The following SLC22A25 variants were observed in gnomAD, a reference collection of about 807,000 sequenced individuals.
SLC22A25 encodes the protein MGI:2442751, MGI:2385316, MGI:3042283, MGI:3645714, MGI:3605624, MGI:2442750.
SLC22A25 carries 44 observed loss-of-function variants against 45.9 expected under a neutral mutation model. That is an observed-to-expected ratio of 0.96 (90% confidence interval 0.75 to 1.23). The LOEUF is 1.23. Ranked by LOEUF, SLC22A25 falls within the 50% of genes most tolerant of loss-of-function variation. The probability of loss-of-function intolerance (pLI) is 0.00; values close to 1 mark genes in which losing one functional copy is unlikely to be tolerated. For synonymous variants in SLC22A25, 283 were observed against 238.6 expected, an observed-to-expected ratio of 1.19 and a Z score of -1.72; for missense variants, 800 against 666.4, an observed-to-expected ratio of 1.20 and a Z score of -2.21.
intron 3 of SLC22A25, among the ~76,000 whole-genome samples, chr11:63,232,350 TC>T (rs1423797510): frequency 6.6e-6 from 1 of 152,174 alleles, no homozygotes; most frequent in Non-Finnish European, 1.5e-5. Flanking sequence ...GTCCTTCACA[TC>T]CCTTTTAAGT....
At chr11:63,214,426 G>T (rs2089658228) in intron 7 of SLC22A25, among the ~76,000 whole-genome samples, 1 of 152,188 alleles carries the variant, frequency 6.6e-6, no homozygotes, top group African/African-American at 2.4e-5. Flanking sequence ...ATTAAAGAAT[G>T]TGTAAGCAGA....
At chr11:63,215,069 A>T (rs55667200) in intron 7 of SLC22A25, among the ~76,000 whole-genome samples, 19,876 of 152,198 alleles carry the variant, frequency 0.13, 1,416 homozygotes, top group East Asian at 0.17. Context: ...TGACCCAGCA[A>T]TCCCATTATT....
At chr11:63,224,208 G>GT (rs981245334) in intron 5 of SLC22A25, among the ~76,000 whole-genome samples, 3 of 151,540 alleles carry the variant, frequency 2.0e-5, no homozygotes, top group Non-Finnish European at 2.9e-5. Flanking sequence ...CTCTTTTTAC[G>GT]TTTTTTTGTC....
At chr11:63,197,987 C>G (rs541697088) in intron 7 of SLC22A25, among the ~76,000 whole-genome samples, 8 of 152,210 alleles carry the variant, frequency 5.3e-5, no homozygotes, top group African/African-American at 1.9e-4. Flanking sequence ...CTCATCATCA[C>G]TGGCCATCAG....
Position 63,163,375 on chromosome 11 carries a change from A to AAAGGACTTCTCAT in SLC22A25, c.*436_*448dup, listed in dbSNP as rs1334758616. On this transcript the variant is annotated 3_prime_UTR_variant, in exon 12 of 12. Coordinates refer to ENST00000306494, the MANE Select transcript of SLC22A25 (RefSeq NM_199352.6). ...TAGACTGAATCTCACATGTGATACA[A>AAAGGACTTCTCAT]AAGGACTTCTCATCTGTGGGAGGGG... Among the ~76,000 whole-genome samples, 2 of 152,174 alleles carry AAAGGACTTCTCAT rather than the reference A, an allele frequency of 1.3e-5. No homozygotes were observed. The highest frequency in any genetic ancestry group is 2.9e-5 in the Non-Finnish European group (2 of 68,028).
Position 63,229,365 on chromosome 11 carries a change from C to A in SLC22A25, c.288G>T (p.Trp96Cys). 6.2e-7 allele frequency: 1 copy of A among 1,613,994 alleles called. No individual in the cohort carries two copies. The highest frequency in any genetic ancestry group is 1.7e-5 in the Admixed American group (1 of 60,004). Residue 96 changes from tryptophan to cysteine, a missense_variant, in exon 4 of 12, where the codon TGG becomes TGT. Physicochemically the swap from Trp to Cys is radical, Grantham distance 215. Coordinates refer to ENST00000306494, the MANE Select transcript of SLC22A25 (RefSeq NM_199352.6). ...AGGTCCCATTCAGATGAATGAGCTT[C>A]CACTGGGGATGGACAAAGCGACGAC... The part of the protein sequence containing the change: ...EKCRRFVHPQ[W>C]KLIHLNGTFP...
intron 5 of SLC22A25, among the ~76,000 whole-genome samples, chr11:63,221,488 T>C (rs2089852855): frequency 6.6e-6 from 1 of 152,156 alleles, no homozygotes; most frequent in African/African-American, 2.4e-5. Flanking sequence ...AGATTTTTTT[T>C]CCTACAGAGT....
chr11:63,172,530 GA>G (rs1259058099), intron 9 of SLC22A25, among the ~76,000 whole-genome samples: 1 of 151,926 alleles, frequency 6.6e-6, no homozygotes, highest in Non-Finnish European at 1.5e-5. Context: ...ACAAACATAT[GA>G]AAAAAAGCTC....
intron 7 of SLC22A25, among the ~76,000 whole-genome samples, chr11:63,186,304 G>A (rs1201287574): frequency 2.7e-5 from 4 of 150,856 alleles, no homozygotes; most frequent in African/African-American, 7.3e-5. Context: ...GTGATTATGA[G>A]CATTTTTTCC....
chr11:63,217,989 A>G (rs1221231401), intron 5 of SLC22A25: 3 of 617,342 alleles, frequency 4.9e-6, no homozygotes, highest in Non-Finnish European at 8.9e-6. Flanking sequence ...AATTCAAAAC[A>G]TGTAAGACAG....
At chr11:63,171,827 T>G (rs113527195) in intron 9 of SLC22A25, among the ~76,000 whole-genome samples, 37 of 152,160 alleles carry the variant, frequency 2.4e-4, no homozygotes, top group Admixed American at 6.6e-4. Flanking sequence ...ACATGGATTT[T>G]AAAAAAGCTT....
intron 7 of SLC22A25, among the ~76,000 whole-genome samples, chr11:63,190,458 T>C (rs1249385334): frequency 6.6e-6 from 1 of 152,200 alleles, no homozygotes; most frequent in African/African-American, 2.4e-5. Flanking sequence ...AATTTTTTTT[T>C]CAAGGTTTTT....
intron 3 of SLC22A25, among the ~76,000 whole-genome samples, chr11:63,233,402 G>C (rs1299810339): frequency 6.6e-6 from 1 of 152,170 alleles, no homozygotes; most frequent in Non-Finnish European, 1.5e-5. Flanking sequence ...ATGTCTTCTA[G>C]ATTTTCTAGT....
rs771110601 is a variant in SLC22A25, at chr11:63,229,656, G to C, written c.-4C>G. On this transcript the variant is annotated 5_prime_UTR_variant, in exon 4 of 12. Coordinates refer to ENST00000306494, the MANE Select transcript of SLC22A25 (RefSeq NM_199352.6). ...CTAGGAGGTCCTGAAAGGCCATTGA[G>C]GCTGGACAAGTGATCCCCAAGAGGA... 6.3e-7 allele frequency: 1 copy of C among 1,597,476 alleles called. No individual in the cohort carries two copies. The highest frequency in any genetic ancestry group is 1.3e-5 in the African/African-American group (1 of 74,548).
chr11:63,223,762 C>A (rs1033135877), intron 5 of SLC22A25, among the ~76,000 whole-genome samples: 14 of 152,040 alleles, frequency 9.2e-5, no homozygotes, highest in African/African-American at 2.7e-4. Context: ...TAGCTCTAAA[C>A]TTCCCTCTTG....
chr11:63,205,781 G>A (rs2089384456), intron 7 of SLC22A25, among the ~76,000 whole-genome samples: 1 of 152,078 alleles, frequency 6.6e-6, no homozygotes, highest in African/African-American at 2.4e-5. Flanking sequence ...AGAATAAAAG[G>A]GACTCTTCCC....
chr11:63,219,726 G>C (rs2089806488), intron 5 of SLC22A25, among the ~76,000 whole-genome samples: 1 of 152,058 alleles, frequency 6.6e-6, no homozygotes, highest in African/African-American at 2.4e-5. Flanking sequence ...GTCAACTTCA[G>C]CTGGTTCTCC....
chr11:63,180,670 A>G lies in SLC22A25; in HGVS notation c.1060T>C (p.Ser354Pro). Residue 354 changes from serine (S) to proline (P), a missense_variant, in exon 9 of 12, where the codon TCC (serine) becomes CCC (proline). Transcript: ENST00000306494. ...CTGCATGAAACTTACCTCACAAAGG[A>G]CAGGAAACAGATTCTTTTACATATG... ...PNICKRICFL[S>P]FVRFASTIPF... 3 of 1,611,492 alleles carry G rather than the reference A, an allele frequency of 1.9e-6. No individual in the cohort carries two copies. The highest frequency in any genetic ancestry group is 2.5e-6 in the Non-Finnish European group (3 of 1,178,648).
At chr11:63,170,508 A>G (rs1259318978) in intron 9 of SLC22A25, among the ~76,000 whole-genome samples, 1 of 152,232 alleles carries the variant, frequency 6.6e-6, no homozygotes, top group African/African-American at 2.4e-5. Context: ...CCACAGAAAT[A>G]CAAACTACCG....
Sources: allele counts gnomAD v4.1 joint callset (sites outside exome capture counted in the v4.1 genomes callset), GRCh38; gene constraint gnomAD v4.1.1; transcripts MANE v1.5; gene names NCBI Gene and HGNC (gene_info 2026-07-23, HGNC 2026-07-21).